COG5: variants seen among roughly 807,000 people sequenced by gnomAD.
COG5 encodes conserved oligomeric Golgi complex subunit 5.
In COG5, 86 loss-of-function variants were observed where a neutral mutation model predicts 110.4. The ratio of observed to expected loss-of-function variants is 0.78; its 90% CI spans 0.65 to 0.93. The LOEUF (loss-of-function observed/expected upper bound fraction) is 0.93, where lower values mean the gene tolerates loss of function less well. Ranked by LOEUF, COG5 falls within the 40% of genes least tolerant of loss-of-function variation. COG5 has a pLI of 0.00. For missense variants in COG5, 1,077 were observed against 987.0 expected (o/e 1.09, Z -1.22); for synonymous variants, 360 against 334.6 (o/e 1.08, Z -0.83).
rs80117437 is a variant in COG5, at chr7:107,369,867, G to T, written c.835+2728C>A. Among the ~76,000 whole-genome samples, 800 of 152,196 alleles carry T rather than the reference G, an allele frequency of 5.3e-3. 9 individuals are homozygous for T. The highest frequency in any genetic ancestry group is 0.018 in the African/African-American group (743 of 41,536). On this transcript the variant is annotated intron_variant, in intron 8 of 21. Transcript: ENST00000297135. ...AGTTTCTGCTCTTGTCCAGAACTTA[G>T]TTCTGTCTTAGATTTTGCCAATCTG...
At chr7:107,446,693 C>T (rs1795023533) in intron 6 of COG5, among the ~76,000 whole-genome samples, 1 of 152,136 alleles carries the variant, frequency 6.6e-6, no homozygotes, top group African/African-American at 2.4e-5. Context: ...TGGAAAGAGG[C>T]CCTCATGGTG....
intron 5 of COG5, among the ~76,000 whole-genome samples, chr7:107,544,883 C>T (rs1265150191): frequency 6.6e-6 from 1 of 152,080 alleles, no homozygotes. Context: ...TAGACAAGTA[C>T]ACAAAATCAG....
chr7:107,489,021 T>C (rs1171596132), intron 6 of COG5, among the ~76,000 whole-genome samples: 1 of 152,170 alleles, frequency 6.6e-6, no homozygotes, highest in Non-Finnish European at 1.5e-5. Flanking sequence ...CTTTGGAATG[T>C]TCCTTGAAAA....
chr7:107,515,605 G>C (rs551952690), intron 6 of COG5, among the ~76,000 whole-genome samples: 1 of 152,148 alleles, frequency 6.6e-6, no homozygotes, highest in Non-Finnish European at 1.5e-5. Context: ...CTCAAAAGCA[G>C]AGTATCCATC....
chr7:107,282,367 A>G (rs1387587175), intron 13 of COG5, among the ~76,000 whole-genome samples: 1 of 152,212 alleles, frequency 6.6e-6, no homozygotes, highest in Admixed American at 6.5e-5. Context: ...ATTTACATAA[A>G]CAGGTCAAAG....
intron 10 of COG5, among the ~76,000 whole-genome samples, chr7:107,359,102 T>C (rs975902358): frequency 6.6e-6 from 1 of 152,152 alleles, no homozygotes; most frequent in Non-Finnish European, 1.5e-5. Context: ...CCTGCCCTCA[T>C]GGCTACAGCT....
At chr7:107,416,699 CA>C (rs2129070470) in intron 6 of COG5, among the ~76,000 whole-genome samples, 1 of 152,108 alleles carries the variant, frequency 6.6e-6, no homozygotes, top group African/African-American at 2.4e-5. Context: ...GTTCCCCCAT[CA>C]AAAAAGACGG....
chr7:107,224,003 G>A (rs943466277), intron 19 of COG5, among the ~76,000 whole-genome samples: 19 of 152,176 alleles, frequency 1.2e-4, no homozygotes, highest in Non-Finnish European at 1.0e-4. Flanking sequence ...ACCTGGGTGC[G>A]CTTAGCACTG....
Position 107,241,353 on chromosome 7 carries a change from G to T in COG5, c.1854-4666C>A, listed in dbSNP as rs1000151960. ...TATGTTATATTGAGTTCCAAATATA[G>T]TTTTTTTTTCGGTAGAATTCACTTT... On this transcript the variant is annotated intron_variant, in intron 17 of 21. Coordinates refer to ENST00000297135, the MANE Select transcript of COG5 (RefSeq NM_006348.5). Among the ~76,000 whole-genome samples, 85 of 145,440 alleles carry T rather than the reference G, an allele frequency of 5.8e-4. 2 individuals carry two copies. The highest frequency in any genetic ancestry group is 2.0e-4 in the East Asian group (1 of 4,960).
intron 10 of COG5, among the ~76,000 whole-genome samples, chr7:107,335,414 C>A (rs1810621854): frequency 6.6e-6 from 1 of 152,078 alleles, no homozygotes; most frequent in African/African-American, 2.4e-5. Flanking sequence ...TAAAACAAAA[C>A]AACTTATGTT....
chr7:107,370,146 T>A (rs1034614636), intron 8 of COG5, among the ~76,000 whole-genome samples: 1 of 152,070 alleles, frequency 6.6e-6, no homozygotes, highest in Non-Finnish European at 1.5e-5. Flanking sequence ...AAGTCTCAGA[T>A]TGAAAATGAG....
intron 14 of COG5, among the ~76,000 whole-genome samples, chr7:107,266,150 G>GT (rs1424741898): frequency 6.6e-6 from 1 of 152,118 alleles, no homozygotes; most frequent in Non-Finnish European, 1.5e-5. Flanking sequence ...CAGGGTTAGG[G>GT]TATGTTTTTG....
intron 11 of COG5, among the ~76,000 whole-genome samples, chr7:107,320,637 T>G (rs1288665222): frequency 6.6e-6 from 1 of 152,186 alleles, no homozygotes; most frequent in Non-Finnish European, 1.5e-5. Context: ...AATTGCAGGT[T>G]AGGTTGGTCA....
chr7:107,226,530 G>A (rs952419602), intron 19 of COG5, among the ~76,000 whole-genome samples: 3 of 152,138 alleles, frequency 2.0e-5, no homozygotes, highest in African/African-American at 7.2e-5. Flanking sequence ...AAGGAATTTG[G>A]TAGGACCCGC....
chr7:107,357,047 A>G (rs1812689445), intron 10 of COG5, among the ~76,000 whole-genome samples: 2 of 152,200 alleles, frequency 1.3e-5, no homozygotes, highest in Admixed American at 6.5e-5. Flanking sequence ...CCTAAAGAAT[A>G]TAAGCATTAT....
chr7:107,480,839 T>C (rs1234359075), intron 6 of COG5: 1 of 152,122 alleles, frequency 6.6e-6, no homozygotes, highest in Non-Finnish European at 1.5e-5. Context: ...ACAAAAGCCA[T>C]AACTTTTAAG....
chr7:107,476,699 A>G (rs944812603), intron 6 of COG5, among the ~76,000 whole-genome samples: 13 of 151,770 alleles, frequency 8.6e-5, no homozygotes, highest in African/African-American at 2.9e-4. Context: ...GTTATTTAAA[A>G]TAGGAAAATA....
rs189459516 is a variant in COG5, at chr7:107,328,907, G to A, written c.1027-4386C>T. 2.8e-3 allele frequency among the ~76,000 whole-genome samples: 432 copies of A among 152,080 alleles called. 3 individuals carry two copies. The highest frequency in any genetic ancestry group is 9.8e-3 in the African/African-American group (406 of 41,502). On this transcript the variant is annotated intron_variant, in intron 10 of 21. Transcript: ENST00000297135. ...GTGATCTTGGCTCATTGCAACCTCC[G>A]CCTCCCGGGCTCAAGCGATTCTCCT...
intron 11 of COG5, among the ~76,000 whole-genome samples, chr7:107,318,442 T>TA: frequency 6.6e-6 from 1 of 152,366 alleles, no homozygotes; most frequent in South Asian, 2.1e-4. Context: ...CCCAAGGTTT[T>TA]AAAAAACTTT....
Sources: gnomAD v4.1 joint callset for allele counts (sites outside exome capture counted in the v4.1 genomes callset) on GRCh38, gnomAD v4.1.1 for gene constraint, MANE v1.5 for transcripts, NCBI Gene and HGNC (gene_info 2026-07-23, HGNC 2026-07-21) for gene names.